The following TMEM131 variants were observed in gnomAD, a reference collection of about 807,000 sequenced individuals.
TMEM131 encodes transmembrane protein 131.
In TMEM131, 66 loss-of-function variants were observed where a neutral mutation model predicts 211.6. The observed-to-expected ratio is 0.31, with a 90% CI of 0.26 to 0.38. The LOEUF is 0.38. Among genes scored for constraint, TMEM131 ranks in the 10% least tolerant of loss-of-function variants. TMEM131 has a pLI of 1.00. For synonymous variants in TMEM131, 844 were observed against 841.3 expected (o/e 1.00, Z -0.06); for missense variants, 2,036 against 2,299.3 (o/e 0.89, Z 2.34).
At chr2:97,878,628 G>C (rs1203680508) in intron 4 of TMEM131, among the ~76,000 whole-genome samples, 2 of 152,052 alleles carry the variant, frequency 1.3e-5, no homozygotes, top group Non-Finnish European at 2.9e-5. Context: ...GTTCTTACTC[G>C]TAAGTGGGAG....
At chr2:97,842,669 T>C (rs531243808) in intron 6 of TMEM131, among the ~76,000 whole-genome samples, 1 of 152,000 alleles carries the variant, frequency 6.6e-6, no homozygotes, top group South Asian at 2.1e-4. Flanking sequence ...TGGAGATATA[T>C]TTGGTGAAAG....
In TMEM131 at chr2:97,759,538, G is replaced by A. The variant is rs936869505; in HGVS notation, c.5206+114C>T. 6.6e-5 allele frequency: 58 copies of A among 877,178 alleles called. 1 individual carries two copies. Among genetic ancestry groups the A allele is most frequent in the African/African-American group, 6.1e-4 (36 of 59,434 alleles). The allele number at this position is 877,178 out of a possible 1,614,324, so 54.3% of individuals were successfully genotyped here. ...GGACCCTTCCCAGGGAGCTTCCTGC[G>A]GGGCCTCTTCCACAGTGCTGCTGTG... On this transcript the variant is annotated intron_variant, in intron 39 of 40. Coordinates refer to ENST00000186436, the MANE Select transcript of TMEM131 (RefSeq NM_015348.2).
chr2:97,943,390 G>A (rs1239641031), intron 1 of TMEM131, among the ~76,000 whole-genome samples: 1 of 152,172 alleles, frequency 6.6e-6, no homozygotes, highest in Non-Finnish European at 1.5e-5. Context: ...TCTTATGAAT[G>A]TGGATATAAA....
chr2:97,812,828 A>G, intron 15 of TMEM131, 79 bp from the exon 16 acceptor site: 1 of 798,688 alleles, frequency 1.3e-6, no homozygotes, highest in Non-Finnish European at 1.9e-6. Flanking sequence ...TAACTATATT[A>G]AAGATGTATT....
chr2:97,973,933 A>C (rs1174244712), intron 1 of TMEM131, among the ~76,000 whole-genome samples: 1 of 152,248 alleles, frequency 6.6e-6, no homozygotes, highest in Admixed American at 6.5e-5. Flanking sequence ...TTATGGGAAT[A>C]CAAAAATAGC....
intron 4 of TMEM131, among the ~76,000 whole-genome samples, chr2:97,882,262 TA>T (rs752848193): frequency 4.6e-4 from 70 of 152,262 alleles, no homozygotes; most frequent in Middle Eastern, 3.4e-3. Flanking sequence ...TAGGGTGAGT[TA>T]AAAGTAATAT....
Position 97,805,357 on chromosome 2 carries a change from G to A in TMEM131, c.2284+19C>T, listed in dbSNP as rs189892142. 6.2e-7 allele frequency: 1 copy of A among 1,610,878 alleles called. No individual in the cohort carries two copies. The highest frequency in any genetic ancestry group is 8.5e-7 in the Non-Finnish European group (1 of 1,177,996). On this transcript the variant is annotated intron_variant, in intron 21 of 40. Coordinates refer to ENST00000186436, the MANE Select transcript of TMEM131 (RefSeq NM_015348.2). ...TTGGGGGAAGTGAAGACATGAGAGA[G>A]AACAGCAAGGTCACTTACATTTGGA...
At chr2:97,967,677 A>C (rs1299117924) in intron 1 of TMEM131, among the ~76,000 whole-genome samples, 2 of 152,240 alleles carry the variant, frequency 1.3e-5, no homozygotes, top group Non-Finnish European at 2.9e-5. Context: ...TAAATAGATT[A>C]AGCATCCTCA....
chr2:97,759,714 C>A lies in TMEM131; in HGVS notation c.5144G>T (p.Ser1715Ile), dbSNP rs1678717273. 3.7e-6 allele frequency: 6 copies of A among 1,613,532 alleles called. No homozygotes were observed. Among genetic ancestry groups the A allele is most frequent in the African/African-American group, 1.3e-5 (1 of 74,914 alleles). The change falls in exon 39 of 41, where the codon AGC becomes ATC. Residue 1715 changes from serine to isoleucine, a missense_variant. This residue lies in a region of TMEM131 where 1,623 missense variants were observed against 1,805.9 expected (regional missense o/e 0.90). Coordinates refer to ENST00000186436, the MANE Select transcript of TMEM131 (RefSeq NM_015348.2). ...GLWSPVSNPS[S>I]PDFTPLNSFS... The stretch of plus-strand genomic sequence containing the variant: ...CGAATTGAGGGGAGTGAAGTCAGGG[C>A]TGCTTGGGTTGCTGACGGGACTCCA...
At chr2:97,831,428 T>G (rs1682680035) in intron 11 of TMEM131, among the ~76,000 whole-genome samples, 1 of 152,134 alleles carries the variant, frequency 6.6e-6, no homozygotes, top group Non-Finnish European at 1.5e-5. Flanking sequence ...AAATATTTAT[T>G]GAATGGGTGA....
At chr2:97,819,223 C>T (rs1171051165) in intron 11 of TMEM131, among the ~76,000 whole-genome samples, 1 of 152,154 alleles carries the variant, frequency 6.6e-6, no homozygotes, top group African/African-American at 2.4e-5. Flanking sequence ...AGACATGGCT[C>T]TGCGAGTGAG....
Position 97,885,915 on chromosome 2 carries a change from T to C in TMEM131, c.359+2137A>G, listed in dbSNP as rs183287456. Among the ~76,000 whole-genome samples the C allele has an allele frequency of 2.7e-3, 414 of 152,328 alleles. 3 individuals are homozygous for C. The highest frequency in any genetic ancestry group is 9.6e-3 in the African/African-American group (400 of 41,570). On this transcript the variant is annotated intron_variant, in intron 4 of 40. Coordinates refer to ENST00000186436, the MANE Select transcript of TMEM131 (RefSeq NM_015348.2). Reference sequence around the variant, plus strand: ...CTCCTTCTGGAATGACCATAATATATTTGTTCACTTCATGGTATACAATAC... The same window carrying C: ...CTCCTTCTGGAATGACCATAATATACTTGTTCACTTCATGGTATACAATAC...
chr2:97,794,527 T>C (rs964105382), intron 29 of TMEM131, among the ~76,000 whole-genome samples: 1 of 152,224 alleles, frequency 6.6e-6, no homozygotes, highest in Non-Finnish European at 1.5e-5. Flanking sequence ...GGTGAATTTA[T>C]CTGACTCTTG....
At chr2:97,925,179 TA>T (rs1676929431) in intron 2 of TMEM131, among the ~76,000 whole-genome samples, 1 of 152,200 alleles carries the variant, frequency 6.6e-6, no homozygotes, top group South Asian at 2.1e-4. Flanking sequence ...CCCCTGCCTC[TA>T]TTTTTTTTAA....
At chr2:97,866,204 A>G (rs1444856441) in intron 4 of TMEM131, among the ~76,000 whole-genome samples, 1 of 152,234 alleles carries the variant, frequency 6.6e-6, no homozygotes, top group Non-Finnish European at 1.5e-5. Context: ...TTTTTAAATG[A>G]CTAATGCAAA....
intron 5 of TMEM131, among the ~76,000 whole-genome samples, chr2:97,848,298 A>G (rs998592785): frequency 2.0e-5 from 3 of 152,214 alleles, no homozygotes; most frequent in Admixed American, 6.5e-5. Context: ...CCATAAACAA[A>G]CAGTAGCTAA....
rs531059984 is a variant in TMEM131, at chr2:97,847,145, C to T, written c.484-2884G>A. Among the ~76,000 whole-genome samples the T allele has an allele frequency of 6.3e-5, 9 of 141,992 alleles. No homozygotes were observed. The South Asian group carries it at 1.8e-3, about 29-fold the overall frequency. The allele number at this position is 141,992 out of a possible 152,430, so 93.2% of individuals were successfully genotyped here. A position where few individuals can be genotyped will look rare whatever the true frequency, so the allele number is the denominator to read the frequency against. On this transcript the variant is annotated intron_variant, in intron 5 of 40. Coordinates refer to ENST00000186436, the MANE Select transcript of TMEM131 (RefSeq NM_015348.2). The stretch of plus-strand genomic sequence containing the variant: ...CAGAGGTTGCAGTGAGCAGAGATTG[C>T]GCCACTGCACTCCAGCCTGGTGACA...
intron 35 of TMEM131, 47 bp from the exon 36 acceptor site, chr2:97,762,247 G>A: frequency 6.3e-7 from 1 of 1,580,150 alleles, no homozygotes; most frequent in Non-Finnish European, 8.7e-7. Flanking sequence ...GTTTTGATTA[G>A]CGCTCTTCCA....
chr2:97,961,435 A>C (rs939993505), intron 1 of TMEM131, among the ~76,000 whole-genome samples: 6 of 152,178 alleles, frequency 3.9e-5, no homozygotes, highest in African/African-American at 1.4e-4. Context: ...CTAAATAAAG[A>C]GATGAATCTT....
Sources: allele counts gnomAD v4.1 joint callset (sites outside exome capture counted in the v4.1 genomes callset), GRCh38; gene constraint gnomAD v4.1.1; regional missense constraint gnomAD v4.1.1; transcripts MANE v1.5; gene names NCBI Gene and HGNC (gene_info 2026-07-23, HGNC 2026-07-21).